Variants in NTF3 observed in about 807,000 individuals in gnomAD.
The protein encoded by NTF3 is neurotrophin 3, also known as neurotrophin-3.
Under a neutral mutation model 26.3 loss-of-function variants are expected in NTF3, and 8 were observed. That is an observed-to-expected ratio of 0.30 (90% CI 0.18 to 0.55). The LOEUF is 0.55. Ranked by LOEUF, NTF3 falls within the 20% of genes least tolerant of loss-of-function variation. The pLI is 0.93. For synonymous variants in NTF3, 154 were observed against 145.5 expected, an observed-to-expected ratio of 1.06 and a Z score of -0.42; for missense variants, 276 against 352.9, an observed-to-expected ratio of 0.78 and a Z score of 1.75.
At chr12:5,463,460 T>G (rs990223795) in intron 1 of NTF3, among the ~76,000 whole-genome samples, 23 of 152,034 alleles carry the variant, frequency 1.5e-4, no homozygotes, top group African/African-American at 5.6e-4. Context: ...ACAAAAGGCT[T>G]CGTGGAGGAG....
intron 1 of NTF3, among the ~76,000 whole-genome samples, chr12:5,455,634 T>G (rs994069924): frequency 1.3e-5 from 2 of 151,290 alleles, no homozygotes; most frequent in East Asian, 3.9e-4. Context: ...TCCTCCAGGA[T>G]AGCCCACCTG....
intron 1 of NTF3, among the ~76,000 whole-genome samples, chr12:5,462,299 A>G (rs1436300303): frequency 1.3e-5 from 2 of 152,224 alleles, no homozygotes; most frequent in South Asian, 2.1e-4. Flanking sequence ...CCAATTTGCC[A>G]TCTCTAGTTT....
chr12:5,459,053 G>T (rs1940491773), intron 1 of NTF3, among the ~76,000 whole-genome samples: 2 of 152,190 alleles, frequency 1.3e-5, no homozygotes, highest in African/African-American at 4.8e-5. Flanking sequence ...TAACAACGAA[G>T]CCTGGAGCTT....
intron 1 of NTF3, among the ~76,000 whole-genome samples, chr12:5,470,869 C>T (rs1285078162): frequency 2.0e-5 from 3 of 152,194 alleles, no homozygotes; most frequent in Non-Finnish European, 2.9e-5. Context: ...AAATGTGTGG[C>T]CCAGATGATT....
intron 1 of NTF3, among the ~76,000 whole-genome samples, chr12:5,448,045 C>A (rs1232937920): frequency 1.3e-5 from 2 of 152,190 alleles, no homozygotes; most frequent in African/African-American, 4.8e-5. Flanking sequence ...AACCCAGTCC[C>A]CTACTTCGTC....
At chr12:5,469,612 C>T (rs1208855318) in intron 1 of NTF3, among the ~76,000 whole-genome samples, 1 of 152,128 alleles carries the variant, frequency 6.6e-6, no homozygotes, top group Non-Finnish European at 1.5e-5. Context: ...TAGAACTAAC[C>T]CTGACCAGCA....
chr12:5,459,350 G>A (rs1422089709), intron 1 of NTF3, among the ~76,000 whole-genome samples: 1 of 152,138 alleles, frequency 6.6e-6, no homozygotes, highest in Non-Finnish European at 1.5e-5. Flanking sequence ...GGCTTGGGAA[G>A]CTCAAGGCTC....
intron 1 of NTF3, among the ~76,000 whole-genome samples, chr12:5,462,024 G>A (rs1191295505): frequency 2.6e-5 from 4 of 152,220 alleles, no homozygotes; most frequent in Non-Finnish European, 5.9e-5. Context: ...GTTGTCACAG[G>A]ACGGCCTGTT....
chr12:5,456,710 G>T lies in NTF3; in HGVS notation c.18+24368G>T, dbSNP rs951178850. Reference sequence around the variant, plus strand: ...GGTTTGTGTAAGATTCCCTCCCACGGTTCAGCACAGATGGGATGACAAGGA... The same window carrying T: ...GGTTTGTGTAAGATTCCCTCCCACGTTTCAGCACAGATGGGATGACAAGGA... On this transcript the variant is annotated intron_variant, in intron 1 of 1. Coordinates refer to ENST00000423158, the MANE Select transcript of NTF3 (RefSeq NM_001102654.2). The surrounding 1 kb of genome is among the most constrained non-coding windows in gnomAD (Gnocchi z 4.4). 6.6e-6 allele frequency among the ~76,000 whole-genome samples: 1 copy of T among 152,188 alleles called. No individual in the cohort carries two copies. The highest frequency in any genetic ancestry group is 1.5e-5 in the Non-Finnish European group (1 of 68,036).
chr12:5,439,612 G>A (rs1268621151), intron 1 of NTF3, among the ~76,000 whole-genome samples: 1 of 152,168 alleles, frequency 6.6e-6, no homozygotes, highest in South Asian at 2.1e-4. Context: ...TTTACTTCTT[G>A]TTCTGTTGAC....
At chr12:5,472,961 G>A (rs1440991558) in intron 1 of NTF3, among the ~76,000 whole-genome samples, 1 of 152,160 alleles carries the variant, frequency 6.6e-6, no homozygotes, top group Non-Finnish European at 1.5e-5. Flanking sequence ...CTTTGGGCCA[G>A]GAGAGCACTT....
In NTF3 at chr12:5,432,229, A is replaced by C; in HGVS notation, c.-96A>C. On this transcript the variant is annotated 5_prime_UTR_variant, in exon 1 of 2. Coordinates refer to ENST00000423158, the MANE Select transcript of NTF3 (RefSeq NM_001102654.2). ...TCCTCTCCTTTTTCCCCTGCTGGGT[A>C]GTGGCTGCGGCGGGGTGGGGGAGAC... is the stretch of plus-strand genomic sequence containing the variant. 3.0e-6 allele frequency: 4 copies of C among 1,315,438 alleles called. No homozygotes were observed. The highest frequency in any genetic ancestry group is 4.4e-6 in the Non-Finnish European group (4 of 910,656). The allele number at this position is 1,315,438 out of a possible 1,614,324, so 81.5% of individuals were successfully genotyped here.
rs7487900 is a variant in NTF3, at chr12:5,491,740, A to T, written c.19-2454A>T. On this transcript the variant is annotated intron_variant, in intron 1 of 1. Coordinates refer to ENST00000423158, the MANE Select transcript of NTF3 (RefSeq NM_001102654.2). ...TCTTTTTTTTTTTTTTTTTTTTTGA[A>T]TTGGAGTCTTGCTCTGTCGCCCAGG... Among the ~76,000 whole-genome samples, 83 of 132,606 alleles carry T rather than the reference A, an allele frequency of 6.3e-4. 1 individual carries two copies. The highest frequency in any genetic ancestry group is 5.5e-4 in the Non-Finnish European group (35 of 63,736). 87.0% of individuals were successfully genotyped at this position (132,606 alleles called of 152,430 possible).
At chr12:5,473,276 C>T (rs1940687060) in intron 1 of NTF3, among the ~76,000 whole-genome samples, 1 of 152,178 alleles carries the variant, frequency 6.6e-6, no homozygotes, top group Non-Finnish European at 1.5e-5. Context: ...GTGCTAGGAC[C>T]GCATGAGGCA....
upstream of NTF3, among the ~76,000 whole-genome samples, chr12:5,431,853 A>G (rs916435707): frequency 3.9e-5 from 6 of 152,142 alleles, no homozygotes; most frequent in Admixed American, 3.9e-4. Context: ...ACTGAAGAAT[A>G]CTACAGATTT....
chr12:5,482,178 A>G (rs1392576973), intron 1 of NTF3, among the ~76,000 whole-genome samples: 2 of 151,838 alleles, frequency 1.3e-5, no homozygotes, highest in African/African-American at 2.4e-5. Context: ...ACGAGCGCGC[A>G]CACACACACA....
At chr12:5,440,518 G>A (rs1435399385) in intron 1 of NTF3, among the ~76,000 whole-genome samples, 1 of 152,134 alleles carries the variant, frequency 6.6e-6, no homozygotes, top group Non-Finnish European at 1.5e-5. Context: ...TGCTTCTAAT[G>A]GTTCATAAGG....
chr12:5,491,726 T>C (rs1278482233), intron 1 of NTF3, among the ~76,000 whole-genome samples: 4 of 144,350 alleles, frequency 2.8e-5, no homozygotes, highest in African/African-American at 7.7e-5. Flanking sequence ...CTTTTTTTTT[T>C]TTTTTTTTTT....
chr12:5,431,373 TC>T (rs1375996641), upstream of NTF3, among the ~76,000 whole-genome samples: 4 of 152,026 alleles, frequency 2.6e-5, no homozygotes, highest in Non-Finnish European at 4.4e-5. Flanking sequence ...ACACTCAAGC[TC>T]CCGCAAACAC....
Sources: gnomAD v4.1 joint callset for allele counts (sites outside exome capture counted in the v4.1 genomes callset) on GRCh38, gnomAD v4.1.1 for gene constraint, Gnocchi (gnomAD v3.1) non-coding constraint, MANE v1.5 for transcripts, NCBI Gene and HGNC (gene_info 2026-07-23, HGNC 2026-07-21) for gene names.